Variants in PLCB1 observed in about 807,000 individuals in gnomAD.
The protein encoded by PLCB1 is phospholipase C beta 1.
A neutral mutation model predicts 161.8 loss-of-function variants in PLCB1; 46 were observed. The observed-to-expected ratio is 0.28, with a 90% CI of 0.22 to 0.36. PLCB1 has a LOEUF of 0.36. Among genes scored for constraint, PLCB1 ranks in the 10% least tolerant of loss-of-function variants. PLCB1 has a pLI of 1.00. For missense variants in PLCB1, 1,016 were observed against 1,472.5 expected (o/e 0.69, Z 5.07); for synonymous variants, 517 against 503.7 (o/e 1.03, Z -0.35).
intron 2 of PLCB1, among the ~76,000 whole-genome samples, chr20:8,281,888 T>C (rs977179246): frequency 1.4e-4 from 22 of 152,162 alleles, no homozygotes; most frequent in African/African-American, 5.3e-4. Context: ...TTTTCCATTT[T>C]ATTTGTGTGC....
intron 2 of PLCB1, among the ~76,000 whole-genome samples, chr20:8,213,430 G>A (rs371986078): frequency 1.3e-5 from 2 of 152,064 alleles, no homozygotes; most frequent in South Asian, 2.1e-4. Flanking sequence ...GTAGGAAGTG[G>A]GCTGGGAGGA....
intron 9 of PLCB1, among the ~76,000 whole-genome samples, chr20:8,677,645 C>G (rs1452059191): frequency 6.6e-6 from 1 of 151,930 alleles, no homozygotes; most frequent in Non-Finnish European, 1.5e-5. Flanking sequence ...ACAAAACAGG[C>G]CACACACCTG....
intron 2 of PLCB1, among the ~76,000 whole-genome samples, chr20:8,241,491 T>A (rs879474970): frequency 6.6e-6 from 1 of 151,984 alleles, no homozygotes; most frequent in Non-Finnish European, 1.5e-5. Context: ...AGTCACTTAA[T>A]GTCAGCTTGA....
intron 3 of PLCB1, among the ~76,000 whole-genome samples, chr20:8,542,558 A>T (rs1477412087): frequency 6.6e-6 from 1 of 152,210 alleles, no homozygotes; most frequent in Non-Finnish European, 1.5e-5. Flanking sequence ...ATGTTGGAAA[A>T]GCTCTTGACT....
intron 3 of PLCB1, among the ~76,000 whole-genome samples, chr20:8,486,583 C>A (rs1341387009): frequency 7.7e-6 from 1 of 130,448 alleles, no homozygotes; most frequent in Non-Finnish European, 1.5e-5. Context: ...GCAAGCTCCG[C>A]TTCCCGGGTT....
chr20:8,211,543 A>G (rs1394627578), intron 2 of PLCB1, among the ~76,000 whole-genome samples: 1 of 152,136 alleles, frequency 6.6e-6, no homozygotes, highest in African/African-American at 2.4e-5. Context: ...ACATATAATT[A>G]CATTCAAATG....
chr20:8,569,977 T>G (rs1986453410), intron 3 of PLCB1, among the ~76,000 whole-genome samples: 1 of 152,178 alleles, frequency 6.6e-6, no homozygotes, highest in Non-Finnish European at 1.5e-5. Context: ...GGGTTGGGCT[T>G]CAGGTTTGAA....
chr20:8,689,873 C>T (rs1211023064), intron 10 of PLCB1, among the ~76,000 whole-genome samples: 1 of 148,760 alleles, frequency 6.7e-6, no homozygotes, highest in Non-Finnish European at 1.5e-5. Context: ...AACAGCTAAT[C>T]AGACTAAAAA....
chr20:8,857,315 T>C (rs1987101488), intron 31 of PLCB1, among the ~76,000 whole-genome samples: 1 of 152,234 alleles, frequency 6.6e-6, no homozygotes, highest in South Asian at 2.1e-4. Flanking sequence ...ACTTCTCTTA[T>C]GTGAACTTCT....
chr20:8,763,376 A>G (rs1982145727), intron 25 of PLCB1, among the ~76,000 whole-genome samples: 1 of 149,642 alleles, frequency 6.7e-6, no homozygotes, highest in African/African-American at 2.5e-5. Flanking sequence ...TAATTTTTGC[A>G]TTTTTATTTA....
chr20:8,353,907 A>G (rs994417863), intron 2 of PLCB1, among the ~76,000 whole-genome samples: 3 of 152,086 alleles, frequency 2.0e-5, no homozygotes, highest in Non-Finnish European at 4.4e-5. Context: ...TATCAAATGT[A>G]TCATACTAAT....
At chr20:8,521,130 G>A (rs1326855203) in intron 3 of PLCB1, among the ~76,000 whole-genome samples, 1 of 152,104 alleles carries the variant, frequency 6.6e-6, no homozygotes, top group African/African-American at 2.4e-5. Context: ...CATTTATTGA[G>A]GCTGTTCCCT....
intron 2 of PLCB1, among the ~76,000 whole-genome samples, chr20:8,233,670 C>G (rs1204458756): frequency 1.3e-5 from 2 of 152,102 alleles, no homozygotes; most frequent in Non-Finnish European, 2.9e-5. Flanking sequence ...AGAAACAGGA[C>G]ATTTCCTGCA....
chr20:8,476,590 TTTC>T (rs1288044695), intron 3 of PLCB1, among the ~76,000 whole-genome samples: 1 of 152,210 alleles, frequency 6.6e-6, no homozygotes, highest in Non-Finnish European at 1.5e-5. Context: ...TGCAAGAGAA[TTTC>T]TTCATTAGAG....
At chr20:8,733,708 G>A (rs1175825958) in intron 19 of PLCB1, among the ~76,000 whole-genome samples, 1 of 150,708 alleles carries the variant, frequency 6.6e-6, no homozygotes, top group Non-Finnish European at 1.5e-5. Context: ...GTTAATGGGT[G>A]CAGCACACCA....
At chr20:8,188,610 G>A (rs73895579) in intron 2 of PLCB1, among the ~76,000 whole-genome samples, 3,324 of 152,158 alleles carry the variant, frequency 0.022, 122 homozygotes, top group African/African-American at 0.073. Context: ...TCTTAAGAGT[G>A]GCCATCAATT....
rs1375697289 is a variant in PLCB1 at position 8,737,805 on chromosome 20, A to T, written c.2208+613A>T. On this transcript the variant is annotated intron_variant, in intron 20 of 31. Coordinates refer to ENST00000338037, the MANE Select transcript of PLCB1 (RefSeq NM_015192.4). ...TTCTGGCCAAAATATCTACAAATCCAGTCTTCTGCAAAGAGAATAGCTATG... is the reference window on the plus strand; with the variant it reads ...TTCTGGCCAAAATATCTACAAATCCTGTCTTCTGCAAAGAGAATAGCTATG... Among the ~76,000 whole-genome samples the T allele has an allele frequency of 2.6e-5, 4 of 152,326 alleles. No individual in the cohort carries two copies. The East Asian group carries it at 7.7e-4, about 29-fold the overall frequency.
chr20:8,847,078 G>T (rs1239378492), intron 31 of PLCB1, among the ~76,000 whole-genome samples: 2 of 152,208 alleles, frequency 1.3e-5, no homozygotes, highest in Non-Finnish European at 2.9e-5. Context: ...GGTGGGAAAA[G>T]CCTGGGCATT....
At chr20:8,297,768 T>C (rs550499348) in intron 2 of PLCB1, among the ~76,000 whole-genome samples, 1 of 152,182 alleles carries the variant, frequency 6.6e-6, no homozygotes, top group South Asian at 2.1e-4. Flanking sequence ...ATTTGGTCAG[T>C]CAAGAGCTAT....
Sources: gnomAD v4.1 joint callset for allele counts (sites outside exome capture counted in the v4.1 genomes callset) on GRCh38, gnomAD v4.1.1 for gene constraint, MANE v1.5 for transcripts, NCBI Gene and HGNC (gene_info 2026-07-23, HGNC 2026-07-21) for gene names.